SLC17A8: variants seen among roughly 807,000 people sequenced by gnomAD.
SLC17A8 encodes vesicular glutamate transporter 3.
SLC17A8 carries 31 observed loss-of-function variants against 58.0 expected under a neutral mutation model. The ratio of observed to expected loss-of-function variants is 0.53; its 90% CI spans 0.40 to 0.72. The LOEUF is 0.72. Among genes scored for constraint, SLC17A8 ranks in the 30% least tolerant of loss-of-function variants. SLC17A8 has a pLI of 0.00. For synonymous variants in SLC17A8, 228 were observed against 249.0 expected (o/e 0.92, Z 0.79); for missense variants, 655 against 727.8 (o/e 0.90, Z 1.15).
chr12:100,377,002 G>T (rs1400223003), intron 1 of SLC17A8, among the ~76,000 whole-genome samples: 1 of 152,076 alleles, frequency 6.6e-6, no homozygotes, highest in African/African-American at 2.4e-5. Context: ...TAGAGACGGG[G>T]TTTTGCCGTG....
intron 2 of SLC17A8, among the ~76,000 whole-genome samples, chr12:100,381,315 T>C (rs909233625): frequency 7.2e-5 from 11 of 152,204 alleles, no homozygotes; most frequent in African/African-American, 2.4e-4. Flanking sequence ...TGCAGAATGA[T>C]GGGGATAGAA....
chr12:100,361,663 CAAG>C (rs1437376780), intron 1 of SLC17A8, among the ~76,000 whole-genome samples: 1 of 152,018 alleles, frequency 6.6e-6, no homozygotes, highest in Admixed American at 6.6e-5. Context: ...GGGAGTAAAA[CAAG>C]AAGGGAAAGG....
At chr12:100,382,023 T>C (rs146702362) in intron 2 of SLC17A8, among the ~76,000 whole-genome samples, 22 of 152,352 alleles carry the variant, frequency 1.4e-4, no homozygotes, top group African/African-American at 5.3e-4. Flanking sequence ...TGCTAAATTT[T>C]GGTTAAGAGT....
chr12:100,403,943 G>A, intron 8 of SLC17A8, 95 bp from the exon 9 acceptor site: 2 of 1,423,486 alleles, frequency 1.4e-6, no homozygotes, highest in Non-Finnish European at 2.0e-6. Flanking sequence ...GTGGTGGTAG[G>A]TAGGGGGGCT....
chr12:100,400,676 C>T (rs2136003652), intron 5 of SLC17A8, among the ~76,000 whole-genome samples: 1 of 152,232 alleles, frequency 6.6e-6, no homozygotes, highest in East Asian at 1.9e-4. Flanking sequence ...TCACCACTCA[C>T]TTTTTCTGAA....
chr12:100,410,250 C>T (rs1300633090), intron 9 of SLC17A8, among the ~76,000 whole-genome samples: 1 of 151,766 alleles, frequency 6.6e-6, no homozygotes, highest in Non-Finnish European at 1.5e-5. Flanking sequence ...AATCCCAGCA[C>T]TTTGGGAGGC....
At chr12:100,380,114 G>A (rs191109222) in intron 1 of SLC17A8, among the ~76,000 whole-genome samples, 8 of 150,530 alleles carry the variant, frequency 5.3e-5, no homozygotes, top group South Asian at 2.1e-4. Flanking sequence ...TGAGAGAATC[G>A]CTTGAACCTG....
intron 9 of SLC17A8, among the ~76,000 whole-genome samples, chr12:100,409,046 A>G (rs17030141): frequency 0.043 from 6,609 of 152,322 alleles, 342 homozygotes; most frequent in East Asian, 0.23. Flanking sequence ...GTAAATATTA[A>G]TAACTTAACC....
intron 1 of SLC17A8, among the ~76,000 whole-genome samples, chr12:100,362,661 G>A (rs942339330): frequency 6.6e-6 from 1 of 152,134 alleles, no homozygotes; most frequent in Non-Finnish European, 1.5e-5. Flanking sequence ...CCACTGCACC[G>A]CTCAGATCAA....
rs1253660379 is a variant in SLC17A8, at chr12:100,364,361, A to C, written c.101+6869A>C. On this transcript the variant is annotated intron_variant, in intron 1 of 11. Transcript: ENST00000323346. ...AGGATGGAAGGGGTCTGTTACAAAC[A>C]ACTTCTGACCAAGAGACTGGTTTGT... Among the ~76,000 whole-genome samples, 24 of 152,184 alleles carry C rather than the reference A, an allele frequency of 1.6e-4. 1 individual carries two copies. The highest frequency in any genetic ancestry group is 1.6e-3 in the Admixed American group (24 of 15,274).
In SLC17A8 at chr12:100,419,970, A is replaced by C. The variant is rs1163694674; in HGVS notation, c.1581A>C (p.Glu527Asp). The part of the protein sequence containing the change: ...EEKCGIIDQD[E>D]LAEEIELNHE... ...AATGTGGAATCATTGACCAGGACGA[A>C]TTAGCTGAGGAGATAGAACTCAACC... The change falls in exon 12 of 12, where the codon GAA becomes GAC. Residue 527 changes from glutamate to aspartate, a missense_variant. Coordinates refer to ENST00000323346, the MANE Select transcript of SLC17A8 (RefSeq NM_139319.3). 1.9e-6 allele frequency: 3 copies of C among 1,614,184 alleles called. No individual in the cohort carries two copies. The highest frequency in any genetic ancestry group is 2.5e-6 in the Non-Finnish European group (3 of 1,180,026).
chr12:100,376,568 G>C (rs1952596055), intron 1 of SLC17A8, among the ~76,000 whole-genome samples: 1 of 152,172 alleles, frequency 6.6e-6, no homozygotes, highest in East Asian at 1.9e-4. Flanking sequence ...ATTTGTTCTT[G>C]CTTTCTGAAC....
intron 4 of SLC17A8, among the ~76,000 whole-genome samples, chr12:100,394,006 G>A (rs2135997206): frequency 6.6e-6 from 1 of 152,304 alleles, no homozygotes; most frequent in Non-Finnish European, 1.5e-5. Flanking sequence ...GGAAACAAAT[G>A]GGCATGGCTA....
intron 2 of SLC17A8, among the ~76,000 whole-genome samples, chr12:100,382,916 C>T (rs533229209): frequency 6.6e-6 from 1 of 152,252 alleles, no homozygotes; most frequent in African/African-American, 2.4e-5. Context: ...GATTATTCTG[C>T]CAGAGGAAAA....
At chr12:100,409,011 G>C (rs749085548) in intron 9 of SLC17A8, among the ~76,000 whole-genome samples, 3 of 152,100 alleles carry the variant, frequency 2.0e-5, no homozygotes, top group Non-Finnish European at 4.4e-5. Flanking sequence ...CTTTATAGTA[G>C]TGTTGAAGAA....
intron 1 of SLC17A8, among the ~76,000 whole-genome samples, chr12:100,358,556 C>A (rs914776296): frequency 6.6e-6 from 1 of 152,014 alleles, no homozygotes. Flanking sequence ...AGTTGGACAC[C>A]TTATTATTTT....
intron 4 of SLC17A8, among the ~76,000 whole-genome samples, chr12:100,394,398 CTTTT>C (rs34047250): frequency 1.8e-5 from 2 of 112,754 alleles, no homozygotes; most frequent in African/African-American, 3.2e-5. Flanking sequence ...ACATCTTTTC[CTTTT>C]TTTTTTTTTT....
At chr12:100,390,608 A>C (rs1161867454) in intron 2 of SLC17A8, among the ~76,000 whole-genome samples, 1 of 151,830 alleles carries the variant, frequency 6.6e-6, no homozygotes, top group African/African-American at 2.4e-5. Context: ...TCAGCCTCCC[A>C]AAGTGCTGGG....
chr12:100,394,880 G>GTATATAATATACATACACTAGTATATA (rs1177105349), intron 4 of SLC17A8, among the ~76,000 whole-genome samples: 2 of 147,032 alleles, frequency 1.4e-5, no homozygotes, highest in Non-Finnish European at 3.0e-5. Context: ...TATAGTGTAT[G>GTATATAATATACATACACTAGTATATA]TATATAATAT....
Sources: allele counts gnomAD v4.1 joint callset (sites outside exome capture counted in the v4.1 genomes callset), GRCh38; gene constraint gnomAD v4.1.1; transcripts MANE v1.5; gene names NCBI Gene and HGNC (gene_info 2026-07-23, HGNC 2026-07-21).